KHDRBS2: variants seen among roughly 807,000 people sequenced by gnomAD.
KHDRBS2 encodes KH domain-containing, RNA-binding, signal transduction-associated protein 2.
A neutral mutation model predicts 44.3 loss-of-function variants in KHDRBS2; 26 were observed. That is an observed-to-expected ratio of 0.59 (90% CI 0.43 to 0.81). KHDRBS2 has a LOEUF of 0.81. Ranked by LOEUF, KHDRBS2 falls within the 40% of genes least tolerant of loss-of-function variation. The pLI is 0.00. For synonymous variants in KHDRBS2, 194 were observed against 151.1 expected (o/e 1.28, Z -2.08); for missense variants, 476 against 433.1 (o/e 1.10, Z -0.88).
intron 2 of KHDRBS2, among the ~76,000 whole-genome samples, chr6:62,163,259 C>T (rs1011366101): frequency 6.6e-6 from 1 of 151,922 alleles, no homozygotes; most frequent in Non-Finnish European, 1.5e-5. Context: ...GACTTTAATT[C>T]CCGTGATTTC....
chr6:61,834,160 T>C (rs1276083168), intron 6 of KHDRBS2, among the ~76,000 whole-genome samples: 1 of 152,048 alleles, frequency 6.6e-6, no homozygotes. Flanking sequence ...ATATTATTTC[T>C]GTGTATATTA....
At chr6:61,725,636 C>A (rs1773428269) in intron 7 of KHDRBS2, among the ~76,000 whole-genome samples, 1 of 152,090 alleles carries the variant, frequency 6.6e-6, no homozygotes, top group African/African-American at 2.4e-5. Context: ...CACAGAAATA[C>A]AAACGACCAT....
At chr6:62,215,201 CA>C (rs1563076901) in intron 1 of KHDRBS2, among the ~76,000 whole-genome samples, 1 of 151,816 alleles carries the variant, frequency 6.6e-6, no homozygotes, top group African/African-American at 2.4e-5. Context: ...CTTATATACA[CA>C]AGAGAGTTTT....
chr6:61,564,162 T>A, the KHDRBS2 span, among the ~76,000 whole-genome samples: 2 of 152,148 alleles, frequency 1.3e-5, no homozygotes, highest in Non-Finnish European at 2.9e-5. Flanking sequence ...ACTAATCAGC[T>A]ACTTCTTCTC....
chr6:62,061,516 G>A (rs1341935284), intron 2 of KHDRBS2, among the ~76,000 whole-genome samples: 4 of 148,532 alleles, frequency 2.7e-5, no homozygotes, highest in Non-Finnish European at 6.0e-5. Flanking sequence ...CTCTCTTCTG[G>A]CTTGTAGGGT....
intron 3 of KHDRBS2, among the ~76,000 whole-genome samples, chr6:61,987,554 A>G (rs1775286807): frequency 6.6e-6 from 1 of 152,216 alleles, no homozygotes; most frequent in Admixed American, 6.5e-5. Context: ...TCAGAAATAA[A>G]TAAATCTATT....
intron 1 of KHDRBS2, among the ~76,000 whole-genome samples, chr6:62,203,318 C>A (rs920081977): frequency 6.6e-6 from 1 of 151,902 alleles, no homozygotes; most frequent in African/African-American, 2.4e-5. Flanking sequence ...AGATAGGATG[C>A]CAGTGCAATG....
chr6:61,948,678 T>TATTATC (rs1764113186), intron 4 of KHDRBS2, among the ~76,000 whole-genome samples: 2 of 148,500 alleles, frequency 1.3e-5, no homozygotes, highest in Non-Finnish European at 3.0e-5. Flanking sequence ...TTATTATTAT[T>TATTATC]ATTATTATTA....
intron 6 of KHDRBS2, among the ~76,000 whole-genome samples, chr6:61,791,772 T>C (rs1016443333): frequency 1.3e-5 from 2 of 151,502 alleles, no homozygotes; most frequent in African/African-American, 4.8e-5. Flanking sequence ...CTTACTCTCA[T>C]ACTGCTCAGA....
intron 2 of KHDRBS2, among the ~76,000 whole-genome samples, chr6:62,141,565 A>C (rs1255322980): frequency 2.0e-5 from 3 of 152,236 alleles, no homozygotes; most frequent in African/African-American, 7.2e-5. Context: ...ACATTGAAGG[A>C]AATCTTTTCC....
At chr6:61,703,723 A>G (rs1769042016) in intron 7 of KHDRBS2, among the ~76,000 whole-genome samples, 1 of 151,884 alleles carries the variant, frequency 6.6e-6, no homozygotes, top group Non-Finnish European at 1.5e-5. Flanking sequence ...AGTATAACAC[A>G]CATGTAGATA....
At chr6:61,759,258 A>T (rs1336035180) in intron 6 of KHDRBS2, among the ~76,000 whole-genome samples, 3 of 152,168 alleles carry the variant, frequency 2.0e-5, no homozygotes, top group Admixed American at 6.5e-5. Context: ...TCCATGACTC[A>T]TCTAACAACG....
chr6:61,612,728 C>T, the KHDRBS2 span, among the ~76,000 whole-genome samples: 45 of 151,896 alleles, frequency 3.0e-4, no homozygotes, highest in Non-Finnish European at 4.3e-4. Flanking sequence ...AGAAACTTGC[C>T]CAAGTCATCA....
chr6:61,843,424 T>C (rs959258012), intron 6 of KHDRBS2, among the ~76,000 whole-genome samples: 26 of 151,296 alleles, frequency 1.7e-4, no homozygotes, highest in African/African-American at 6.1e-4. Context: ...AGTGGGGTGA[T>C]CTCAGCTCAC....
At chr6:61,840,531 AAGATGCCACC>A (rs759968570) in intron 6 of KHDRBS2, among the ~76,000 whole-genome samples, 1 of 152,168 alleles carries the variant, frequency 6.6e-6, no homozygotes, top group Non-Finnish European at 1.5e-5. Flanking sequence ...CTCCACAACC[AAGATGCCACC>A]AGATAATAAG....
At chr6:61,788,215 A>G (rs767817522) in intron 6 of KHDRBS2, among the ~76,000 whole-genome samples, 10 of 151,550 alleles carry the variant, frequency 6.6e-5, no homozygotes, top group Non-Finnish European at 1.3e-4. Context: ...GATCTAAAAT[A>G]CTATTGTGTT....
Position 61,955,077 on chromosome 6 carries a change from T to C in KHDRBS2, c.483+22989A>G, listed in dbSNP as rs556683626. 3.0e-3 allele frequency among the ~76,000 whole-genome samples: 418 copies of C among 140,290 alleles called. 13 individuals are homozygous for C. Among genetic ancestry groups the C allele is most frequent in the East Asian group, 0.028 (122 of 4,420 alleles). 92.0% of individuals were successfully genotyped at this position (140,290 alleles called of 152,430 possible). On this transcript the variant is annotated intron_variant, in intron 4 of 8. Coordinates refer to ENST00000281156, the MANE Select transcript of KHDRBS2 (RefSeq NM_152688.4). ...ATATGTATGTATACACATATACGTG[T>C]GTATGTATGCATACATATATGTATA...
chr6:61,617,755 G>A, the KHDRBS2 span, among the ~76,000 whole-genome samples: 1 of 152,020 alleles, frequency 6.6e-6, no homozygotes, highest in Non-Finnish European at 1.5e-5. Flanking sequence ...GCTTATAGAA[G>A]CACAAATAAA....
chr6:61,671,608 G>A, the KHDRBS2 span, among the ~76,000 whole-genome samples: 1 of 151,588 alleles, frequency 6.6e-6, no homozygotes, highest in African/African-American at 2.4e-5. Flanking sequence ...GATGGATTTG[G>A]AAAACTGGTA....
Sources: allele counts gnomAD v4.1 joint callset (sites outside exome capture counted in the v4.1 genomes callset), GRCh38; gene constraint gnomAD v4.1.1; transcripts MANE v1.5; gene names NCBI Gene and HGNC (gene_info 2026-07-23, HGNC 2026-07-21).